The following SLC15A2 variants were observed in gnomAD, a reference collection of about 807,000 sequenced individuals.
SLC15A2 encodes the protein solute carrier family 15 member 2.
A neutral mutation model predicts 95.5 loss-of-function variants in SLC15A2; 77 were observed. The observed-to-expected ratio is 0.81, with a 90% CI of 0.67 to 0.97. The LOEUF (loss-of-function observed/expected upper bound fraction) is 0.97. Ranked by LOEUF, SLC15A2 falls within the 50% of genes least tolerant of loss-of-function variation. The pLI, the probability that SLC15A2 is intolerant of heterozygous loss-of-function variation, is 0.00. For missense variants in SLC15A2, 893 were observed against 874.4 expected (o/e 1.02, Z -0.27); for synonymous variants, 306 against 306.9 (o/e 1.00, Z 0.03).
chr3:121,903,876 A>G (rs1217469535), intron 3 of SLC15A2, among the ~76,000 whole-genome samples: 8 of 152,210 alleles, frequency 5.3e-5, no homozygotes, highest in Non-Finnish European at 1.0e-4. Context: ...GTTTTTTGCA[A>G]TTCTCTGAAG....
Position 121,929,302 on chromosome 3 carries a change from G to A in SLC15A2, c.1507G>A (p.Val503Ile), listed in dbSNP as rs768853168. 4 of 1,613,772 alleles carry A rather than the reference G, an allele frequency of 2.5e-6. No individual in the cohort carries two copies. In the African/African-American group the frequency reaches 5.3e-5, roughly 22 times the overall value. Residue 503 changes from valine (V) to isoleucine (I), a missense_variant and splice_region_variant, in exon 17 of 22, where the codon GTA (valine) becomes ATA (isoleucine). Val to Ile is a conservative substitution (Grantham distance 29). Transcript: ENST00000489711. ...EDGNSISSMM[V>I]KDTESRTTNG... ...TGATTTTTACTTTCCTCTGTTGTAG[G>A]TAAAGGATACAGAAAGCAGAACAAC... is the stretch of plus-strand genomic sequence containing the variant.
At position 121,905,185 on chromosome 3, in the gene SLC15A2, C is replaced by T. The variant is rs997000800; in HGVS notation, c.336-6389C>T. On this transcript the variant is annotated intron_variant, in intron 3 of 21. Coordinates refer to ENST00000489711, the MANE Select transcript of SLC15A2 (RefSeq NM_021082.4). ...ATGGTAGTTTGTATTACTGTGGAATCGGTGGTGATATCCCCTTTATCATTT... is the reference window on the plus strand; with the variant it reads ...ATGGTAGTTTGTATTACTGTGGAATTGGTGGTGATATCCCCTTTATCATTT... Among the ~76,000 whole-genome samples the T allele has an allele frequency of 1.1e-4, 16 of 152,258 alleles. No homozygotes were observed. In the East Asian group the frequency reaches 1.7e-3, roughly 17 times the overall value.
In SLC15A2 at chr3:121,897,514, G is replaced by A; in HGVS notation, c.320G>A (p.Trp107Ter). The change falls in exon 3 of 22, where the codon TGG becomes TAG. Residue 107 changes from tryptophan (W) to a stop codon, truncating the protein, a stop_gained. Transcript: ENST00000489711. LOFTEE classifies it high-confidence loss of function. ...PILGAAIADSWLGKFKTIIYL... is the reference protein window; with the variant it reads ...PILGAAIADS ...CTGGGAGCAGCCATTGCTGACTCGT[G>A]GTTGGGAAAATTCAAGTAAGGAAGA... is the stretch of plus-strand genomic sequence containing the variant. 6.2e-7 allele frequency: 1 copy of A among 1,613,906 alleles called. No homozygotes were observed. Among genetic ancestry groups the A allele is most frequent in the Non-Finnish European group, 8.5e-7 (1 of 1,179,974 alleles).
intron 3 of SLC15A2, among the ~76,000 whole-genome samples, chr3:121,902,238 C>G (rs568529960): frequency 3.3e-5 from 5 of 152,252 alleles, no homozygotes; most frequent in African/African-American, 1.2e-4. Flanking sequence ...CATTTTTAGT[C>G]ATAGTTCCTA....
intron 19 of SLC15A2, among the ~76,000 whole-genome samples, chr3:121,933,560 CTTT>C (rs1710275703): frequency 6.6e-6 from 1 of 151,564 alleles, no homozygotes; most frequent in African/African-American, 2.4e-5. Flanking sequence ...TAAATGTCTT[CTTT>C]TGAGAAGTGT....
intron 19 of SLC15A2, among the ~76,000 whole-genome samples, chr3:121,935,165 C>T (rs1369595283): frequency 1.3e-5 from 2 of 152,134 alleles, no homozygotes; most frequent in African/African-American, 2.4e-5. Flanking sequence ...ATTCGTTTTG[C>T]CAGTATTTTA....
chr3:121,901,904 G>A (rs193014316), intron 3 of SLC15A2, among the ~76,000 whole-genome samples: 10 of 152,088 alleles, frequency 6.6e-5, no homozygotes, highest in Non-Finnish European at 1.5e-4. Context: ...CTTTGAGGGT[G>A]AAAAGCCTTC....
At chr3:121,937,950 A>G (rs1478452096) in intron 19 of SLC15A2, among the ~76,000 whole-genome samples, 1 of 151,206 alleles carries the variant, frequency 6.6e-6, no homozygotes, top group Non-Finnish European at 1.5e-5. Flanking sequence ...TTTGGTGTGG[A>G]TGTCCTTTCT....
chr3:121,930,702 G>T lies in SLC15A2; in HGVS notation c.1554-138G>T. ...TCGTCTAGTTAACAATATACATTAG[G>T]TACCTTTTATGTGCCAGCCACTATC... On this transcript the variant is annotated intron_variant, in intron 17 of 21. Transcript: ENST00000489711. The T allele has an allele frequency of 5.1e-6, 3 of 588,784 alleles. No homozygotes were observed. The South Asian group carries it at 6.4e-5, about 13-fold the overall frequency. 36.5% of individuals were successfully genotyped at this position (588,784 alleles called of 1,614,324 possible). A position where few individuals can be genotyped will look rare whatever the true frequency, so the allele number is the denominator to read the frequency against.
intron 7 of SLC15A2, among the ~76,000 whole-genome samples, chr3:121,919,515 G>A (rs571426193): frequency 6.6e-6 from 1 of 152,174 alleles, no homozygotes; most frequent in South Asian, 2.1e-4. Context: ...TCCATGGGTG[G>A]GTTTGGAAAA....
At chr3:121,909,393 C>T (rs1297013759) in intron 3 of SLC15A2, among the ~76,000 whole-genome samples, 2 of 152,142 alleles carry the variant, frequency 1.3e-5, no homozygotes, top group Admixed American at 1.3e-4. Context: ...TGTCATTTGA[C>T]CTGTCTGGAT....
intron 19 of SLC15A2, among the ~76,000 whole-genome samples, chr3:121,936,615 T>G (rs1176803423): frequency 2.7e-4 from 40 of 148,844 alleles, no homozygotes; most frequent in South Asian, 4.3e-4. Flanking sequence ...TCCATTTGCT[T>G]GGTAGATCTT....
At chr3:121,902,294 C>A (rs948128752) in intron 3 of SLC15A2, among the ~76,000 whole-genome samples, 25 of 152,154 alleles carry the variant, frequency 1.6e-4, no homozygotes, top group African/African-American at 5.8e-4. Context: ...GATTTTTGAC[C>A]TGGGCAATCA....
intron 19 of SLC15A2, among the ~76,000 whole-genome samples, chr3:121,938,220 T>C (rs1202762006): frequency 6.6e-6 from 1 of 151,004 alleles, no homozygotes; most frequent in Non-Finnish European, 1.5e-5. Context: ...GTCTTTTTGT[T>C]TGTCTGTGCC....
chr3:121,923,192 A>T (rs777808318), intron 10 of SLC15A2, 30 bp from the exon 11 acceptor site: 2 of 1,613,712 alleles, frequency 1.2e-6, no homozygotes, highest in South Asian at 2.2e-5. Flanking sequence ...CAGGAAAGGG[A>T]TTTCTCATAA....
intron 7 of SLC15A2, among the ~76,000 whole-genome samples, chr3:121,921,413 C>A (rs962829147): frequency 6.6e-6 from 1 of 151,520 alleles, no homozygotes; most frequent in Non-Finnish European, 1.5e-5. Flanking sequence ...GGTCAAAAGT[C>A]CAGTTCTGGT....
Position 121,897,492 on chromosome 3 carries a change from GGA to G in SLC15A2, c.300_301del (p.Ala101SerfsTer4), listed in dbSNP as rs1382940897. 1 of 1,613,816 alleles carries G rather than the reference GGA, an allele frequency of 6.2e-7. No homozygotes were observed. The highest frequency in any genetic ancestry group is 1.7e-5 in the Admixed American group (1 of 59,994). On this transcript the variant is annotated frameshift_variant, in exon 3 of 22. Coordinates refer to ENST00000489711, the MANE Select transcript of SLC15A2 (RefSeq NM_021082.4). LOFTEE classifies it high-confidence loss of function. ...CCTCTGTTATTTTACTCCCATCCTG[GGA>G]GCAGCCATTGCTGACTCGTGGTTGG... is the stretch of plus-strand genomic sequence containing the variant. ...SSLCYFTPIL[G>X]AAIADSWLGK...
intron 19 of SLC15A2, among the ~76,000 whole-genome samples, chr3:121,934,991 CA>C: frequency 6.6e-6 from 1 of 152,204 alleles, no homozygotes; most frequent in African/African-American, 2.4e-5. Flanking sequence ...TGAATTTTGT[CA>C]AAGGCCTTTT....
At chr3:121,913,747 G>A (rs1709820914) in intron 5 of SLC15A2, among the ~76,000 whole-genome samples, 1 of 151,942 alleles carries the variant, frequency 6.6e-6, no homozygotes, top group African/African-American at 2.4e-5. Flanking sequence ...AAAATAAATG[G>A]GCATTTATGA....
Sources: gnomAD v4.1 joint callset for allele counts (sites outside exome capture counted in the v4.1 genomes callset) on GRCh38, gnomAD v4.1.1 for gene constraint, MANE v1.5 for transcripts, NCBI Gene and HGNC (gene_info 2026-07-23, HGNC 2026-07-21) for gene names.